The following ZNF407 variants were observed in gnomAD, a reference collection of about 807,000 sequenced individuals.
The protein encoded by ZNF407 is zinc finger protein 407.
A neutral mutation model predicts 131.2 loss-of-function variants in ZNF407; 17 were observed. The ratio of observed to expected loss-of-function variants is 0.13; its 90% CI spans 0.09 to 0.19. The LOEUF (loss-of-function observed/expected upper bound fraction) is 0.19. ZNF407 is among the 10% of genes least tolerant of loss of function. ZNF407 has a pLI of 1.00. For synonymous variants in ZNF407, 1,156 were observed against 1,062.0 expected (o/e 1.09, Z -1.72); for missense variants, 2,681 against 2,830.6 (o/e 0.95, Z 1.20).
intron 4 of ZNF407, among the ~76,000 whole-genome samples, chr18:74,859,966 G>A (rs1323680487): frequency 6.6e-6 from 1 of 152,154 alleles, no homozygotes; most frequent in Non-Finnish European, 1.5e-5. Context: ...ACACAGTTAA[G>A]ATATTCAATA....
At chr18:74,917,798 G>A (rs1971793047) in intron 7 of ZNF407, among the ~76,000 whole-genome samples, 2 of 152,118 alleles carry the variant, frequency 1.3e-5, no homozygotes, top group Non-Finnish European at 2.9e-5. Flanking sequence ...TCATATGATT[G>A]GTGATTGTCT....
At chr18:74,869,633 G>A (rs1053999998) in intron 4 of ZNF407, among the ~76,000 whole-genome samples, 2 of 152,096 alleles carry the variant, frequency 1.3e-5, no homozygotes, top group South Asian at 2.1e-4. Context: ...TATAGATGGG[G>A]TTTTTTTAGG....
At position 74,807,966 on chromosome 18, in the gene ZNF407, C is replaced by T. The variant is rs117049316; in HGVS notation, c.4877+26464C>T. Among the ~76,000 whole-genome samples, 762 of 152,216 alleles carry T rather than the reference C, an allele frequency of 5.0e-3. 11 individuals are homozygous for T. Among genetic ancestry groups the T allele is most frequent in the East Asian group, 0.042 (217 of 5,176 alleles). On this transcript the variant is annotated intron_variant, in intron 4 of 8. Transcript: ENST00000299687. ...TCTCCTGGGCTCAAGCGATCCCCCA[C>T]CTCAGCTTCTCAAAGAGCTGGGATT...
intron 4 of ZNF407, among the ~76,000 whole-genome samples, chr18:74,815,286 A>G (rs1306919660): frequency 6.6e-6 from 1 of 152,108 alleles, no homozygotes; most frequent in African/African-American, 2.4e-5. Flanking sequence ...TTACTTTGAA[A>G]AGTTGGATAT....
At chr18:74,737,614 A>ACAT (rs1968448571) in intron 3 of ZNF407, among the ~76,000 whole-genome samples, 1 of 152,168 alleles carries the variant, frequency 6.6e-6, no homozygotes, top group South Asian at 2.1e-4. Context: ...GTGTGTGGAT[A>ACAT]CATACGCAGA....
intron 8 of ZNF407, among the ~76,000 whole-genome samples, chr18:74,977,624 C>T (rs1387486460): frequency 4.6e-5 from 7 of 152,230 alleles, no homozygotes; most frequent in Non-Finnish European, 1.0e-4. Flanking sequence ...AGATGTCTCA[C>T]ATCTTGGCAG....
intron 3 of ZNF407, among the ~76,000 whole-genome samples, chr18:74,692,738 G>A (rs1215787651): frequency 1.3e-5 from 2 of 152,248 alleles, no homozygotes; most frequent in Non-Finnish European, 2.9e-5. Context: ...TCTCAAAGAT[G>A]TAGTGGAACT....
intron 8 of ZNF407, among the ~76,000 whole-genome samples, chr18:74,930,026 G>A (rs2959161): frequency 0.98 from 149,511 of 152,318 alleles, 73,434 homozygotes; most frequent in Middle Eastern, 1. Context: ...GCATTAATAC[G>A]TTGCCATTTT....
intron 3 of ZNF407, among the ~76,000 whole-genome samples, chr18:74,755,453 A>G (rs1968908207): frequency 6.6e-6 from 1 of 152,040 alleles, no homozygotes; most frequent in Non-Finnish European, 1.5e-5. Context: ...TTGTCTTGGC[A>G]TTCTTGTCAC....
chr18:74,635,648 G>T lies in ZNF407; in HGVS notation c.4629G>T (p.Gly1543=), dbSNP rs1001696950. ...ENQGNVCKYC[G]KMCRSSNSMA... ...AGGGAAACGTCTGCAAGTATTGTGG[G>T]AAGATGTGTCGAAGCAGCAACTCGA... Residue 1543 remains glycine, a synonymous_variant, in exon 2 of 9, where the codon GGG becomes GGT. Coordinates refer to ENST00000299687, the MANE Select transcript of ZNF407 (RefSeq NM_017757.3). The surrounding 1 kb of genome is among the most constrained non-coding windows in gnomAD (Gnocchi z 4.7). 2 of 1,611,796 alleles carry T rather than the reference G, an allele frequency of 1.2e-6. No homozygotes were observed. Among genetic ancestry groups the T allele is most frequent in the African/African-American group, 2.7e-5 (2 of 74,844 alleles).
At chr18:74,755,845 CT>C in intron 3 of ZNF407, among the ~76,000 whole-genome samples, 1 of 128,412 alleles carries the variant, frequency 7.8e-6, no homozygotes, top group Admixed American at 8.4e-5. Context: ...CCCTCCCTCC[CT>C]TCCTCCCTTC....
At chr18:75,045,653 G>A (rs909650217) in intron 8 of ZNF407, among the ~76,000 whole-genome samples, 5 of 152,174 alleles carry the variant, frequency 3.3e-5, no homozygotes, top group Admixed American at 6.5e-5. Context: ...TTGATCCACC[G>A]CTTTCTTTGC....
chr18:75,035,345 C>T (rs1973295798), intron 8 of ZNF407, among the ~76,000 whole-genome samples: 1 of 152,166 alleles, frequency 6.6e-6, no homozygotes, highest in Admixed American at 6.5e-5. Context: ...CTGTTAGAGT[C>T]CAGAAATGAC....
At chr18:74,690,389 AAG>A (rs1369819158) in intron 3 of ZNF407, among the ~76,000 whole-genome samples, 1 of 152,158 alleles carries the variant, frequency 6.6e-6, no homozygotes, top group Non-Finnish European at 1.5e-5. Context: ...TTAGAAATAA[AAG>A]AGAAAACATT....
At chr18:75,054,255 G>C (rs1475222074) in intron 8 of ZNF407, among the ~76,000 whole-genome samples, 1 of 152,244 alleles carries the variant, frequency 6.6e-6, no homozygotes, top group Non-Finnish European at 1.5e-5. Flanking sequence ...CTAACAGTTA[G>C]TGTTTTACCC....
chr18:74,776,599 T>A (rs547859512), intron 3 of ZNF407, among the ~76,000 whole-genome samples: 31 of 152,296 alleles, frequency 2.0e-4, no homozygotes, highest in Admixed American at 1.5e-3. Flanking sequence ...CCCCTACTTT[T>A]TGGTAACATT....
intron 3 of ZNF407, among the ~76,000 whole-genome samples, chr18:74,716,667 G>A (rs1281308249): frequency 6.6e-6 from 1 of 152,128 alleles, no homozygotes; most frequent in African/African-American, 2.4e-5. Flanking sequence ...ACAAATTTCT[G>A]AAGTTAAAAT....
intron 3 of ZNF407, among the ~76,000 whole-genome samples, chr18:74,775,880 C>T (rs1468702475): frequency 2.7e-5 from 4 of 149,494 alleles, no homozygotes; most frequent in Non-Finnish European, 6.0e-5. Context: ...AGAGAGAGGG[C>T]GGATGTTTTA....
intron 3 of ZNF407, among the ~76,000 whole-genome samples, chr18:74,732,251 C>T (rs571561656): frequency 3.9e-5 from 6 of 152,054 alleles, no homozygotes; most frequent in Admixed American, 1.3e-4. Flanking sequence ...CTGGTGTAGA[C>T]TGTCTTGTGT....
Sources: gnomAD v4.1 joint callset for allele counts (sites outside exome capture counted in the v4.1 genomes callset) on GRCh38, gnomAD v4.1.1 for gene constraint, Gnocchi (gnomAD v3.1) non-coding constraint, MANE v1.5 for transcripts, NCBI Gene and HGNC (gene_info 2026-07-23, HGNC 2026-07-21) for gene names.